The following ANXA8 variants were observed in gnomAD, a reference collection of about 807,000 sequenced individuals.
ANXA8 encodes annexin A8.
A neutral mutation model predicts 26.8 loss-of-function variants in ANXA8; 9 were observed. That is an observed-to-expected ratio of 0.34 (90% CI 0.20 to 0.59). The LOEUF (loss-of-function observed/expected upper bound fraction) is 0.59, where lower values mean the gene tolerates loss of function less well. Ranked by LOEUF, ANXA8 falls within the 20% of genes least tolerant of loss-of-function variation. ANXA8 has a pLI of 0.84. For synonymous variants in ANXA8, 39 were observed against 94.8 expected, an observed-to-expected ratio of 0.41 and a Z score of 3.42; for missense variants, 83 against 238.5, an observed-to-expected ratio of 0.35 and a Z score of 4.29.
At chr10:47,594,995 C>T in the ANXA8 span, among the ~76,000 whole-genome samples, 1 of 149,386 alleles carries the variant, frequency 6.7e-6, no homozygotes, top group East Asian at 1.9e-4. Flanking sequence ...AAAGAAAAAA[C>T]AAATCTCAGA....
chr10:47,750,926 A>C, the ANXA8 span: 2 of 150,874 alleles, frequency 1.3e-5, no homozygotes, highest in Admixed American at 1.3e-4. Flanking sequence ...ACAGTCAATT[A>C]GTATAAGTCA....
chr10:47,978,078 A>T, the ANXA8 span, among the ~76,000 whole-genome samples: 1 of 151,976 alleles, frequency 6.6e-6, no homozygotes, highest in African/African-American at 2.4e-5. Context: ...AACTCAGCAT[A>T]TACACTCTAG....
chr10:47,952,242 T>C, the ANXA8 span, among the ~76,000 whole-genome samples: 1 of 151,772 alleles, frequency 6.6e-6, no homozygotes, highest in Non-Finnish European at 1.5e-5. Context: ...TTTGCCATGA[T>C]CATTCAACAT....
the ANXA8 span, among the ~76,000 whole-genome samples, chr10:47,948,789 A>C: frequency 6.6e-6 from 1 of 151,156 alleles, no homozygotes; most frequent in African/African-American, 2.4e-5. Flanking sequence ...AGATAAGCAC[A>C]AAGAAAACTA....
the ANXA8 span, among the ~76,000 whole-genome samples, chr10:47,536,560 T>C: frequency 7.8e-6 from 1 of 127,396 alleles, no homozygotes; most frequent in Non-Finnish European, 1.6e-5. Context: ...TATAAATATA[T>C]ATATACACAC....
the ANXA8 span, among the ~76,000 whole-genome samples, chr10:47,522,229 G>A: frequency 0.018 from 2,162 of 117,940 alleles, 81 homozygotes; most frequent in South Asian, 0.044. Context: ...AAAAGTCTAC[G>A]TTGACGTTTC....
the ANXA8 span, among the ~76,000 whole-genome samples, chr10:47,588,454 C>T: frequency 1.4e-5 from 2 of 138,856 alleles, no homozygotes; most frequent in Non-Finnish European, 3.0e-5. Context: ...CCACCTGCTT[C>T]ATCCTCTATT....
chr10:47,507,636 G>A, the ANXA8 span: 6 of 1,526,966 alleles, frequency 3.9e-6, 1 homozygote, highest in African/African-American at 1.5e-5. Context: ...TGTTAGGCCT[G>A]CAGACATTTT....
At chr10:47,907,350 C>A in the ANXA8 span, among the ~76,000 whole-genome samples, 1,105 of 151,208 alleles carry the variant, frequency 7.3e-3, 4 homozygotes, top group African/African-American at 0.025. Context: ...GAGCGAGACT[C>A]CGTCTCAAAT....
chr10:47,497,130 G>C, the ANXA8 span, among the ~76,000 whole-genome samples: 1 of 150,036 alleles, frequency 6.7e-6, no homozygotes, highest in Admixed American at 6.6e-5. Context: ...AAACCAGCTT[G>C]ATCAACATGG....
chr10:47,536,531 C>T, the ANXA8 span, among the ~76,000 whole-genome samples: 683 of 122,822 alleles, frequency 5.6e-3, 73 homozygotes, highest in Middle Eastern at 0.016. Context: ...TTTGTTGTAG[C>T]AGCAATGGAC....
At chr10:47,969,788 T>A in the ANXA8 span, among the ~76,000 whole-genome samples, 10,556 of 150,094 alleles carry the variant, frequency 0.07, 3 homozygotes, top group African/African-American at 0.24. Context: ...TGACGGTAAC[T>A]CACTGCAGGC....
chr10:47,502,558 C>G, the ANXA8 span: 1 of 1,611,682 alleles, frequency 6.2e-7, no homozygotes, highest in Non-Finnish European at 8.5e-7. Flanking sequence ...CTCAACTGGC[C>G]AGTCATCCAG....
At chr10:47,495,756 C>T in the ANXA8 span, among the ~76,000 whole-genome samples, 3 of 149,574 alleles carry the variant, frequency 2.0e-5, no homozygotes, top group African/African-American at 5.0e-5. Flanking sequence ...TGGGAAGCCA[C>T]GTAAACCCAA....
chr10:47,565,477 C>G, the ANXA8 span: 9 of 401,486 alleles, frequency 2.2e-5, no homozygotes, highest in Non-Finnish European at 3.5e-5. Flanking sequence ...GCAGGCGGCC[C>G]GGCGGCCCGG....
chr10:47,660,763 G>T, the ANXA8 span, among the ~76,000 whole-genome samples: 1 of 148,128 alleles, frequency 6.8e-6, no homozygotes, highest in Non-Finnish European at 1.5e-5. Context: ...ATTGCATTTG[G>T]CGTGGCTTTT....
chr10:47,968,420 T>G, the ANXA8 span, among the ~76,000 whole-genome samples: 1 of 142,110 alleles, frequency 7.0e-6, no homozygotes, highest in Admixed American at 7.2e-5. Context: ...CCAAAATCAT[T>G]GTAGCTTCCA....
At chr10:47,487,743 G>T (rs1433361939), upstream of ANXA8, among the ~76,000 whole-genome samples, 7 of 145,876 alleles carry the variant, frequency 4.8e-5, 1 homozygote, top group African/African-American at 1.5e-4. Context: ...TTTCATCAGT[G>T]TATAATTTTT....
At chr10:47,685,536 A>G in the ANXA8 span, among the ~76,000 whole-genome samples, 1 of 151,764 alleles carries the variant, frequency 6.6e-6, no homozygotes, top group East Asian at 1.9e-4. Context: ...CTCACCTTTG[A>G]TTCTACTGTG....
Sources: allele counts gnomAD v4.1 joint callset (sites outside exome capture counted in the v4.1 genomes callset), GRCh38; gene constraint gnomAD v4.1.1; transcripts MANE v1.5; gene names NCBI Gene and HGNC (gene_info 2026-07-23, HGNC 2026-07-21).